The following CSMD1 variants were observed in gnomAD, a reference collection of about 807,000 sequenced individuals.
The protein encoded by CSMD1 is CUB and Sushi multiple domains 1.
CSMD1 carries 213 observed loss-of-function variants against 417.5 expected under a neutral mutation model. The ratio of observed to expected loss-of-function variants is 0.51; its 90% confidence interval spans 0.46 to 0.57. The LOEUF (loss-of-function observed/expected upper bound fraction) is 0.57, where lower values mean the gene tolerates loss of function less well. CSMD1 is among the 20% of genes least tolerant of loss of function. CSMD1 has a pLI of 0.00. For missense variants in CSMD1, 6,923 were observed against 4,529.7 expected, an observed-to-expected ratio of 1.53 and a Z score of -15.17; for synonymous variants, 2,862 against 1,736.8, an observed-to-expected ratio of 1.65 and a Z score of -16.11.
At chr8:4,310,972 G>C (rs1798529145) in intron 3 of CSMD1, among the ~76,000 whole-genome samples, 1 of 152,188 alleles carries the variant, frequency 6.6e-6, no homozygotes, top group Non-Finnish European at 1.5e-5. Flanking sequence ...CTACCAGTCG[G>C]AATGGCTACT....
intron 39 of CSMD1, among the ~76,000 whole-genome samples, chr8:3,152,059 G>A (rs144694998): frequency 5.9e-5 from 9 of 152,304 alleles, no homozygotes; most frequent in East Asian, 1.9e-4. Flanking sequence ...TTCCAGCTGC[G>A]TCTGGTTCCA....
At chr8:3,964,775 G>C (rs931088289) in intron 5 of CSMD1, among the ~76,000 whole-genome samples, 3 of 152,172 alleles carry the variant, frequency 2.0e-5, no homozygotes, top group African/African-American at 4.8e-5. Context: ...AAGGACTAAT[G>C]TATCCAACAA....
At chr8:4,782,027 G>C (rs1201245177) in intron 1 of CSMD1, among the ~76,000 whole-genome samples, 1 of 152,088 alleles carries the variant, frequency 6.6e-6, no homozygotes, top group East Asian at 1.9e-4. Context: ...ACCTTTCTCA[G>C]TCCAAAATTA....
At chr8:4,923,747 T>G (rs987209126) in intron 1 of CSMD1, among the ~76,000 whole-genome samples, 1 of 152,100 alleles carries the variant, frequency 6.6e-6, no homozygotes. Flanking sequence ...CAAGGAACCT[T>G]GGAAAGGTCA....
chr8:3,571,286 T>A (rs538377691), intron 10 of CSMD1, among the ~76,000 whole-genome samples: 1 of 152,198 alleles, frequency 6.6e-6, no homozygotes, highest in African/African-American at 2.4e-5. Context: ...CCTCTGCCCA[T>A]TCCATGGACT....
intron 2 of CSMD1, among the ~76,000 whole-genome samples, chr8:4,426,587 CAGTAT>C (rs1797571074): frequency 7.2e-6 from 1 of 139,378 alleles, no homozygotes. Flanking sequence ...ACAGTATGTG[CAGTAT>C]AGTATATATA....
intron 31 of CSMD1, among the ~76,000 whole-genome samples, chr8:3,202,944 G>C (rs10091102): frequency 0.26 from 38,915 of 151,982 alleles, 5,413 homozygotes; most frequent in Non-Finnish European, 0.33. Flanking sequence ...AATTAGAGAG[G>C]GAGAGGACTT....
intron 1 of CSMD1, among the ~76,000 whole-genome samples, chr8:4,797,675 G>A (rs1054304037): frequency 6.6e-6 from 1 of 152,288 alleles, no homozygotes; most frequent in East Asian, 1.9e-4. Context: ...GAAGCTAATA[G>A]GAATGCTTTC....
chr8:4,480,458 T>G (rs1436238096), intron 2 of CSMD1, among the ~76,000 whole-genome samples: 1 of 152,106 alleles, frequency 6.6e-6, no homozygotes, highest in Non-Finnish European at 1.5e-5. Flanking sequence ...CCTTCTACTC[T>G]CATAAAAAAG....
At chr8:4,989,802 G>A (rs1366426710) in intron 1 of CSMD1, among the ~76,000 whole-genome samples, 3 of 152,176 alleles carry the variant, frequency 2.0e-5, no homozygotes, top group Non-Finnish European at 4.4e-5. Flanking sequence ...TGTATCGTCT[G>A]CTTATAAGCA....
chr8:4,060,864 G>A (rs896843673), intron 3 of CSMD1, among the ~76,000 whole-genome samples: 1 of 152,094 alleles, frequency 6.6e-6, no homozygotes, highest in Non-Finnish European at 1.5e-5. Context: ...TGACCAGACA[G>A]GAAGAAAACA....
At chr8:4,292,402 G>C (rs570757921) in intron 3 of CSMD1, among the ~76,000 whole-genome samples, 1 of 151,868 alleles carries the variant, frequency 6.6e-6, no homozygotes, top group Admixed American at 6.6e-5. Flanking sequence ...ACAGGTGCCC[G>C]CCACCACGCC....
intron 8 of CSMD1, among the ~76,000 whole-genome samples, chr8:3,597,834 CG>C (rs1197655956): frequency 1.3e-5 from 2 of 150,130 alleles, no homozygotes; most frequent in Non-Finnish European, 3.0e-5. Context: ...CGGGGCCTGT[CG>C]GGGGGTTGGG....
intron 5 of CSMD1, among the ~76,000 whole-genome samples, chr8:3,885,573 A>G (rs1806505972): frequency 6.6e-6 from 1 of 152,206 alleles, no homozygotes. Context: ...TAATGAAATT[A>G]GGCAGTCATC....
At chr8:3,772,524 CACATATATACATATAT>C (rs1409719222) in intron 5 of CSMD1, among the ~76,000 whole-genome samples, 3 of 35,050 alleles carry the variant, frequency 8.6e-5, no homozygotes, top group South Asian at 1.6e-3. Flanking sequence ...TACATATATA[CACATATATACATATAT>C]ACACATATAT....
At chr8:3,895,279 T>C (rs954278733) in intron 5 of CSMD1, among the ~76,000 whole-genome samples, 1 of 152,336 alleles carries the variant, frequency 6.6e-6, no homozygotes, top group East Asian at 1.9e-4. Context: ...CTGCTTTCTA[T>C]TTAAATTATG....
At chr8:3,736,697 G>A (rs992949520) in intron 6 of CSMD1, among the ~76,000 whole-genome samples, 2 of 152,164 alleles carry the variant, frequency 1.3e-5, no homozygotes, top group African/African-American at 2.4e-5. Context: ...ATGGAGCTGG[G>A]GATAAGGACA....
intron 1 of CSMD1, among the ~76,000 whole-genome samples, chr8:4,818,406 T>C (rs1799326553): frequency 6.6e-6 from 1 of 152,180 alleles, no homozygotes; most frequent in African/African-American, 2.4e-5. Context: ...CAATATAACA[T>C]CGTTTTCTTT....
intron 1 of CSMD1, among the ~76,000 whole-genome samples, chr8:4,698,933 CA>C (rs374601300): frequency 6.6e-6 from 1 of 151,814 alleles, no homozygotes; most frequent in South Asian, 2.1e-4. Context: ...CACACACACA[CA>C]CACACACCAA....
Sources: gnomAD v4.1 joint callset for allele counts (sites outside exome capture counted in the v4.1 genomes callset) on GRCh38, gnomAD v4.1.1 for gene constraint, MANE v1.5 for transcripts, NCBI Gene and HGNC (gene_info 2026-07-23, HGNC 2026-07-21) for gene names.